The following LAMP3 variants were observed in gnomAD, a reference collection of about 807,000 sequenced individuals.
LAMP3 encodes lysosome associated membrane protein 3.
In LAMP3, 26 loss-of-function variants were observed where a neutral mutation model predicts 34.8. That is an observed-to-expected ratio of 0.75 (90% confidence interval 0.55 to 1.04). The LOEUF (loss-of-function observed/expected upper bound fraction) is 1.04, where lower values mean the gene tolerates loss of function less well. Ranked by LOEUF, LAMP3 falls within the 50% of genes least tolerant of loss-of-function variation. LAMP3 has a pLI of 0.00. For missense variants in LAMP3, 495 were observed against 524.0 expected (o/e 0.94, Z 0.54); for synonymous variants, 180 against 201.9 (o/e 0.89, Z 0.92).
At chr3:183,156,808 A>C (rs1267602475) in intron 1 of LAMP3, among the ~76,000 whole-genome samples, 1 of 152,156 alleles carries the variant, frequency 6.6e-6, no homozygotes, top group Non-Finnish European at 1.5e-5. Flanking sequence ...CAGCCATTTG[A>C]CCATAATGAC....
chr3:183,140,639 T>C (rs776197192), intron 3 of LAMP3, 44 bp from the exon 4 acceptor site: 19 of 1,210,824 alleles, frequency 1.6e-5, no homozygotes, highest in Non-Finnish European at 2.2e-5. Flanking sequence ...TCTCTACTCA[T>C]ATGTTTACAA....
intron 5 of LAMP3, among the ~76,000 whole-genome samples, chr3:183,124,598 C>T (rs1052416800): frequency 6.6e-6 from 1 of 152,050 alleles, no homozygotes; most frequent in Non-Finnish European, 1.5e-5. Flanking sequence ...TTTGGGAGGC[C>T]GAGGCGGGCG....
At chr3:183,146,630 C>A (rs1435271524) in intron 3 of LAMP3, among the ~76,000 whole-genome samples, 1 of 150,362 alleles carries the variant, frequency 6.7e-6, no homozygotes. Flanking sequence ...TGGGTTCAAG[C>A]GATTCTCCTG....
intron 4 of LAMP3, among the ~76,000 whole-genome samples, chr3:183,137,537 G>A (rs1242635391): frequency 2.6e-5 from 4 of 152,048 alleles, no homozygotes; most frequent in Non-Finnish European, 4.4e-5. Flanking sequence ...TAATGCCAGC[G>A]TCTGTACATG....
At chr3:183,148,848 C>A (rs1041877738) in intron 3 of LAMP3, among the ~76,000 whole-genome samples, 2 of 152,168 alleles carry the variant, frequency 1.3e-5, no homozygotes, top group African/African-American at 4.8e-5. Context: ...TAGATATATA[C>A]CCCAAAGAAA....
chr3:183,147,617 T>TC (rs1720486554), intron 3 of LAMP3, among the ~76,000 whole-genome samples: 1 of 10,216 alleles, frequency 9.8e-5, no homozygotes, highest in African/African-American at 2.0e-4. Context: ...TGAAAACAAT[T>TC]TTTTTTTTTT....
At chr3:183,162,499 C>T in intron 1 of LAMP3, 108 bp downstream of exon 1, 1 of 1,135,494 alleles carries the variant, frequency 8.8e-7, no homozygotes, top group Non-Finnish European at 1.3e-6. Flanking sequence ...ACGCGCCACA[C>T]CTCCCTACCC....
intron 5 of LAMP3, among the ~76,000 whole-genome samples, chr3:183,130,380 G>A (rs985181394): frequency 2.0e-5 from 3 of 151,796 alleles, no homozygotes; most frequent in Admixed American, 6.6e-5. Flanking sequence ...GGATGGTCTC[G>A]ATCTCCTGAC....
At chr3:183,130,404 C>A (rs1012645168) in intron 5 of LAMP3, among the ~76,000 whole-genome samples, 1 of 151,824 alleles carries the variant, frequency 6.6e-6, no homozygotes, top group Non-Finnish European at 1.5e-5. Flanking sequence ...ATGATCCGCC[C>A]GCCTCGGCCT....
In LAMP3 at chr3:183,124,078, C is replaced by A. The variant is rs775649264; in HGVS notation, c.*3G>T. 28 of 1,613,940 alleles carry A rather than the reference C, an allele frequency of 1.7e-5. No individual in the cohort carries two copies. Among genetic ancestry groups the A allele is most frequent in the Non-Finnish European group, 2.3e-5 (27 of 1,179,988 alleles). On this transcript the variant is annotated 3_prime_UTR_variant, in exon 6 of 6. Transcript: ENST00000265598. The stretch of plus-strand genomic sequence containing the variant: ...CATTATTTTCATTCCCCCCGGGCAA[C>A]AATTAGATTCTCTGGTATCCAGATG...
At chr3:183,140,628 A>ATC (rs1720253893) in intron 3 of LAMP3, 33 bp from the exon 4 acceptor site, 1 of 1,288,434 alleles carries the variant, frequency 7.8e-7, no homozygotes, top group South Asian at 1.2e-5. Context: ...CCTTTGGGTT[A>ATC]TCTCTACTCA....
At chr3:183,145,267 A>T (rs996618051) in intron 3 of LAMP3, among the ~76,000 whole-genome samples, 2 of 152,180 alleles carry the variant, frequency 1.3e-5, no homozygotes, top group Non-Finnish European at 2.9e-5. Flanking sequence ...TTCTTTAAAA[A>T]ATGAAACTGC....
intron 3 of LAMP3, among the ~76,000 whole-genome samples, chr3:183,146,128 C>T (rs761966821): frequency 3.3e-5 from 5 of 152,118 alleles, no homozygotes; most frequent in African/African-American, 7.2e-5. Context: ...TTCAACTGCA[C>T]ATGATTTTTG....
At chr3:183,131,999 T>C (rs1719938814) in intron 5 of LAMP3, 4 of 985,382 alleles carry the variant, frequency 4.1e-6, no homozygotes, top group Non-Finnish European at 1.2e-6. Flanking sequence ...TCTTCCTGCT[T>C]GCCATTCCAT....
At chr3:183,147,084 A>C (rs993132087) in intron 3 of LAMP3, among the ~76,000 whole-genome samples, 14 of 151,926 alleles carry the variant, frequency 9.2e-5, no homozygotes, top group Non-Finnish European at 1.6e-4. Context: ...TCTACTAAAA[A>C]TACAAAAAAT....
intron 4 of LAMP3, 66 bp from the exon 5 acceptor site, chr3:183,135,953 G>A (rs1374652482): frequency 1.1e-5 from 14 of 1,320,528 alleles, no homozygotes; most frequent in Middle Eastern, 1.9e-4. Flanking sequence ...AGCTGTGGCC[G>A]GGCTGCCTGT....
chr3:183,162,980 C>T, upstream of LAMP3: 1 of 291,642 alleles, frequency 3.4e-6, no homozygotes. Context: ...CTTTTTGAGA[C>T]GAAGTCTCGC....
chr3:183,152,030 G>A (rs683395), intron 3 of LAMP3, among the ~76,000 whole-genome samples: 133,515 of 152,180 alleles, frequency 0.88, 58,685 homozygotes, highest in Middle Eastern at 0.92. Context: ...CTGTTCCTCC[G>A]AATAATCCTG....
chr3:183,126,563 T>TGTGTGCGC lies in LAMP3; in HGVS notation c.1118-2350_1118-2349insGCGCACAC, dbSNP rs1289493902. Among the ~76,000 whole-genome samples, 21 of 149,164 alleles carry TGTGTGCGC rather than the reference T, an allele frequency of 1.4e-4. 1 individual carries two copies. The highest frequency in any genetic ancestry group is 4.5e-4 in the African/African-American group (18 of 39,662). ...GTGTGTGTGTGTGTGTGTGTGTGTG[T>TGTGTGCGC]GCACACGTGTGCATGTGTGCAAACT... On this transcript the variant is annotated intron_variant, in intron 5 of 5. Coordinates refer to ENST00000265598, the MANE Select transcript of LAMP3 (RefSeq NM_014398.4).
Sources: gnomAD v4.1 joint callset for allele counts (sites outside exome capture counted in the v4.1 genomes callset) on GRCh38, gnomAD v4.1.1 for gene constraint, MANE v1.5 for transcripts, NCBI Gene and HGNC (gene_info 2026-07-23, HGNC 2026-07-21) for gene names.